The following NALF1 variants were observed in gnomAD, a reference collection of about 807,000 sequenced individuals.
NALF1 encodes the protein NALCN channel auxiliary factor 1.
NALF1 carries 3 observed loss-of-function variants against 48.4 expected under a neutral mutation model. The ratio of observed to expected loss-of-function variants is 0.06; its 90% confidence interval spans 0.03 to 0.16. The LOEUF is 0.16. Among genes scored for constraint, NALF1 ranks in the 10% least tolerant of loss-of-function variants. The pLI is 1.00. For missense variants in NALF1, 526 were observed against 571.5 expected (o/e 0.92, Z 0.81); for synonymous variants, 262 against 245.7 (o/e 1.07, Z -0.62).
At chr13:107,554,627 T>C (rs898378063) in intron 1 of NALF1, among the ~76,000 whole-genome samples, 28 of 152,226 alleles carry the variant, frequency 1.8e-4, no homozygotes, top group Non-Finnish European at 3.2e-4. Flanking sequence ...AAGCAGGCCC[T>C]GGCCCCCATC....
chr13:107,684,178 G>A (rs564788802), intron 1 of NALF1, among the ~76,000 whole-genome samples: 2 of 152,258 alleles, frequency 1.3e-5, no homozygotes, highest in African/African-American at 4.8e-5. Context: ...TCCAGCACCC[G>A]CAGGAAGATT....
rs569006962 is a variant in NALF1 at position 107,396,671 on chromosome 13, T to C, written c.916-185916A>G. On this transcript the variant is annotated intron_variant, in intron 1 of 2. Transcript: ENST00000375915. ...GAAAATATTCTGAAAAAGCACATTATTAGCACTTACTGAAAGAACTGTAGG... is the reference window on the plus strand; with the variant it reads ...GAAAATATTCTGAAAAAGCACATTACTAGCACTTACTGAAAGAACTGTAGG... Among the ~76,000 whole-genome samples the C allele has an allele frequency of 2.0e-5, 3 of 152,298 alleles. No homozygotes were observed. The South Asian group carries it at 6.2e-4, about 32-fold the overall frequency.
chr13:107,337,826 G>A (rs1882588991), intron 1 of NALF1, among the ~76,000 whole-genome samples: 3 of 152,078 alleles, frequency 2.0e-5, no homozygotes, highest in South Asian at 2.1e-4. Flanking sequence ...GTTGCTTAAC[G>A]TCTCTAAGCC....
At chr13:107,376,494 T>C (rs1883342637) in intron 1 of NALF1, among the ~76,000 whole-genome samples, 1 of 152,176 alleles carries the variant, frequency 6.6e-6, no homozygotes, top group Admixed American at 6.5e-5. Context: ...CAACAAATGC[T>C]GAATAAACTC....
intron 1 of NALF1, among the ~76,000 whole-genome samples, chr13:107,333,539 T>C (rs763551065): frequency 1.3e-5 from 2 of 152,154 alleles, no homozygotes; most frequent in Non-Finnish European, 2.9e-5. Flanking sequence ...GGCATGTCCA[T>C]GAATGACAGA....
intron 1 of NALF1, among the ~76,000 whole-genome samples, chr13:107,758,625 A>G (rs1877182329): frequency 6.6e-6 from 1 of 152,042 alleles, no homozygotes; most frequent in East Asian, 1.9e-4. Context: ...GGAGGCTGAC[A>G]CAGGAGAATG....
chr13:107,440,584 G>A (rs749952090), intron 1 of NALF1, among the ~76,000 whole-genome samples: 7 of 152,134 alleles, frequency 4.6e-5, no homozygotes, highest in South Asian at 2.1e-4. Flanking sequence ...TGAGTGAGTA[G>A]TAGATCGATT....
intron 1 of NALF1, among the ~76,000 whole-genome samples, chr13:107,792,234 A>G (rs1878267665): frequency 1.3e-5 from 2 of 152,182 alleles, no homozygotes; most frequent in African/African-American, 4.8e-5. Context: ...TTTGTAACCT[A>G]TCATGATGCA....
In NALF1 at chr13:107,695,983, G is replaced by A. The variant is rs1478078810; in HGVS notation, c.915+169699C>T. Among the ~76,000 whole-genome samples the A allele has an allele frequency of 2.7e-5, 4 of 150,678 alleles. No individual in the cohort carries two copies. In the Admixed American group the frequency reaches 2.7e-4, roughly 10 times the overall value. On this transcript the variant is annotated intron_variant, in intron 1 of 2. Transcript: ENST00000375915. ...ACAACCTTAGCTCACTGCAACCTCT[G>A]CCTCCTGGGTTCAAGCAATTCTCCT...
At position 107,497,073 on chromosome 13, in the gene NALF1, C is replaced by A. The variant is rs1875362483; in HGVS notation, c.916-286318G>T. Among the ~76,000 whole-genome samples, 3 of 152,254 alleles carry A rather than the reference C, an allele frequency of 2.0e-5. No individual in the cohort carries two copies. The South Asian group carries it at 6.2e-4, about 32-fold the overall frequency. On this transcript the variant is annotated intron_variant, in intron 1 of 2. Coordinates refer to ENST00000375915, the MANE Select transcript of NALF1 (RefSeq NM_001080396.3). Reference sequence around the variant, plus strand: ...TAAATACAGGCACTAACTACTTAAGCAGTCCTATTTTTAAAGTTTTCTTTT... The same window carrying A: ...TAAATACAGGCACTAACTACTTAAGAAGTCCTATTTTTAAAGTTTTCTTTT...
intron 1 of NALF1, among the ~76,000 whole-genome samples, chr13:107,623,809 G>A (rs1329641606): frequency 6.6e-6 from 1 of 152,166 alleles, no homozygotes; most frequent in Admixed American, 6.5e-5. Flanking sequence ...AAGCCTTCAT[G>A]AACTAGATAA....
At chr13:107,412,379 G>T (rs1470613014) in intron 1 of NALF1, among the ~76,000 whole-genome samples, 1 of 151,928 alleles carries the variant, frequency 6.6e-6, no homozygotes, top group Admixed American at 6.6e-5. Flanking sequence ...AAAAACAATG[G>T]CAAGTAGTCA....
At chr13:107,554,773 G>C (rs532642516) in intron 1 of NALF1, among the ~76,000 whole-genome samples, 3 of 152,170 alleles carry the variant, frequency 2.0e-5, no homozygotes, top group East Asian at 1.9e-4. Context: ...CAAGTTTCTC[G>C]ACCTCTCCAG....
At chr13:107,790,670 C>T (rs1267122990) in intron 1 of NALF1, among the ~76,000 whole-genome samples, 2 of 152,024 alleles carry the variant, frequency 1.3e-5, no homozygotes, top group East Asian at 1.9e-4. Flanking sequence ...TACATTTATG[C>T]GAATAAAAGA....
rs974252923 is a variant in NALF1, at chr13:107,808,357, T to A, written c.915+57325A>T. ...ACAACTTTTAAAAGATTCTTCCATA[T>A]GAAAGGAATATCTATCTTTTTCCCC... On this transcript the variant is annotated intron_variant, in intron 1 of 2. Transcript: ENST00000375915. Among the ~76,000 whole-genome samples the A allele has an allele frequency of 3.3e-5, 5 of 152,278 alleles. No homozygotes were observed. The South Asian group carries it at 6.2e-4, about 19-fold the overall frequency.
intron 1 of NALF1, among the ~76,000 whole-genome samples, chr13:107,341,829 T>A (rs1468719368): frequency 6.6e-6 from 1 of 151,370 alleles, no homozygotes; most frequent in Non-Finnish European, 1.5e-5. Context: ...GTAGTAGTAT[T>A]TCATATATAT....
intron 1 of NALF1, among the ~76,000 whole-genome samples, chr13:107,756,435 C>CCATATA (rs1555323651): frequency 7.1e-6 from 1 of 141,056 alleles, no homozygotes; most frequent in Admixed American, 7.1e-5. Flanking sequence ...AGTTTAATGG[C>CCATATA]TATATATATA....
intron 1 of NALF1, among the ~76,000 whole-genome samples, chr13:107,503,742 GGTGTGTGTGTTT>G (rs1336952549): frequency 0.012 from 936 of 79,046 alleles, 10 homozygotes; most frequent in Middle Eastern, 0.023. Context: ...ATGTGTGTCT[GGTGTGTGTGTTT>G]GTGTGTGTGT....
rs528888521 is a variant in NALF1, at chr13:107,683,322, T to G, written c.915+182360A>C. Reference sequence around the variant, plus strand: ...GACATAAGAAAGCATAATTTTATTTTGTTTTCCTACCACCTTTAAAAAAAT... The same window carrying G: ...GACATAAGAAAGCATAATTTTATTTGGTTTTCCTACCACCTTTAAAAAAAT... On this transcript the variant is annotated intron_variant, in intron 1 of 2. Coordinates refer to ENST00000375915, the MANE Select transcript of NALF1 (RefSeq NM_001080396.3). Among the ~76,000 whole-genome samples, 7 of 152,332 alleles carry G rather than the reference T, an allele frequency of 4.6e-5. No homozygotes were observed. The South Asian group carries it at 1.5e-3, about 32-fold the overall frequency.
Sources: allele counts gnomAD v4.1 joint callset (sites outside exome capture counted in the v4.1 genomes callset), GRCh38; gene constraint gnomAD v4.1.1; transcripts MANE v1.5; gene names NCBI Gene and HGNC (gene_info 2026-07-23, HGNC 2026-07-21).